Variants in MMP16 observed in about 807,000 individuals in gnomAD.
MMP16 encodes the protein matrix metallopeptidase 16.
Under a neutral mutation model 67.8 loss-of-function variants are expected in MMP16, and 12 were observed. The observed-to-expected ratio is 0.18, with a 90% CI of 0.11 to 0.29. The LOEUF (loss-of-function observed/expected upper bound fraction) is 0.29, where lower values mean the gene tolerates loss of function less well. MMP16 is among the 10% of genes least tolerant of loss of function. The pLI is 1.00. For missense variants in MMP16, 475 were observed against 765.7 expected (o/e 0.62, Z 4.48); for synonymous variants, 249 against 255.9 (o/e 0.97, Z 0.26).
chr8:88,046,575 G>T (rs1233574676), intron 9 of MMP16, 94 bp downstream of exon 9: 1 of 694,660 alleles, frequency 1.4e-6, no homozygotes, highest in Non-Finnish European at 2.4e-6. Context: ...CTCTAGTATA[G>T]CACTTTCCAA....
intron 6 of MMP16, among the ~76,000 whole-genome samples, chr8:88,091,783 C>T (rs577595072): frequency 1.3e-5 from 2 of 151,966 alleles, no homozygotes; most frequent in Non-Finnish European, 2.9e-5. Context: ...TGTGTAGCTA[C>T]TTAAATTTAA....
In MMP16 at chr8:88,036,786, A is replaced by G. The variant is rs1808059828; in HGVS notation, c.*4675T>C. On this transcript the variant is annotated 3_prime_UTR_variant, in exon 10 of 10. Coordinates refer to ENST00000286614, the MANE Select transcript of MMP16 (RefSeq NM_005941.5). ...TAGCATATTCTATTTGACATCTGTG[A>G]TACTTTGGAATATGCCCTTGAAAGC... The G allele has an allele frequency of 6.6e-6, 1 of 151,696 alleles. No individual in the cohort carries two copies. Among genetic ancestry groups the G allele is most frequent in the Non-Finnish European group, 1.5e-5 (1 of 67,768 alleles). 9.4% of individuals were successfully genotyped at this position (151,696 alleles called of 1,614,324 possible).
intron 1 of MMP16, among the ~76,000 whole-genome samples, chr8:88,239,203 G>A (rs1389776184): frequency 1.3e-5 from 2 of 149,420 alleles, no homozygotes; most frequent in East Asian, 2.0e-4. Context: ...GGTGAGGCAG[G>A]AGGATCGCTG....
At chr8:88,103,537 A>G (rs1686874692) in intron 6 of MMP16, among the ~76,000 whole-genome samples, 1 of 151,826 alleles carries the variant, frequency 6.6e-6, no homozygotes, top group South Asian at 2.1e-4. Context: ...TTTGCACAAT[A>G]CTAATAGTAG....
chr8:88,072,647 C>T (rs973269171), intron 7 of MMP16, among the ~76,000 whole-genome samples: 1 of 152,092 alleles, frequency 6.6e-6, no homozygotes, highest in African/African-American at 2.4e-5. Context: ...AAACACCATA[C>T]TGAGTCAAAT....
intron 1 of MMP16, among the ~76,000 whole-genome samples, chr8:88,209,541 T>C (rs1809481028): frequency 1.3e-5 from 2 of 152,124 alleles, no homozygotes; most frequent in African/African-American, 4.8e-5. Flanking sequence ...ATGCCAATTT[T>C]TGACTACATG....
chr8:88,094,477 C>T (rs1442065908), intron 6 of MMP16, among the ~76,000 whole-genome samples: 1 of 151,450 alleles, frequency 6.6e-6, no homozygotes, highest in African/African-American at 2.4e-5. Context: ...GTTTACTGAC[C>T]ATAATTATAA....
At chr8:88,150,810 A>T (rs1808392272) in intron 4 of MMP16, among the ~76,000 whole-genome samples, 1 of 151,158 alleles carries the variant, frequency 6.6e-6, no homozygotes, top group Admixed American at 6.6e-5. Flanking sequence ...TCAACTAACG[A>T]GCAAAATCAC....
At chr8:88,154,509 C>T (rs1336580162) in intron 4 of MMP16, among the ~76,000 whole-genome samples, 3 of 150,726 alleles carry the variant, frequency 2.0e-5, no homozygotes, top group African/African-American at 7.3e-5. Context: ...AAATGGGGCA[C>T]ATATACACCA....
Position 88,186,602 on chromosome 8 carries a change from C to CAAA in MMP16, c.282-7_282-5dup, listed in dbSNP as rs4043665. The CAAA allele has an allele frequency of 5.8e-4, 675 of 1,167,148 alleles. No individual in the cohort carries two copies. Among genetic ancestry groups the CAAA allele is most frequent in the Middle Eastern group, 4.1e-3 (12 of 2,914 alleles). 72.3% of individuals were successfully genotyped at this position (1,167,148 alleles called of 1,614,324 possible). ...GCATCGGGGCTTCTTCATCCAGCTGCAAAAAAAAAAAAAAAAAAAAAAAAG... is the reference window on the plus strand; with the variant it reads ...GCATCGGGGCTTCTTCATCCAGCTGCAAAAAAAAAAAAAAAAAAAAAAAAAAAG... On this transcript the variant is annotated splice_region_variant and splice_polypyrimidine_tract_variant and intron_variant, in intron 2 of 9. Coordinates refer to ENST00000286614, the MANE Select transcript of MMP16 (RefSeq NM_005941.5).
chr8:88,239,600 C>T (rs1198319547), intron 1 of MMP16, among the ~76,000 whole-genome samples: 1 of 151,648 alleles, frequency 6.6e-6, no homozygotes, highest in Non-Finnish European at 1.5e-5. Flanking sequence ...CTCATGGTTT[C>T]CACAGATGTA....
intron 4 of MMP16, among the ~76,000 whole-genome samples, chr8:88,129,987 A>G (rs1807999582): frequency 6.6e-6 from 1 of 151,724 alleles, no homozygotes; most frequent in Non-Finnish European, 1.5e-5. Flanking sequence ...TTTATTTTAA[A>G]TAAGATTTCC....
At chr8:88,325,181 T>C (rs2130236647) in intron 1 of MMP16, among the ~76,000 whole-genome samples, 1 of 152,328 alleles carries the variant, frequency 6.6e-6, no homozygotes, top group Admixed American at 6.5e-5. Flanking sequence ...GTCATTGGAA[T>C]CCAAAATTAA....
rs181237006 is a variant in MMP16, at chr8:88,178,221, C to T, written c.404+8255G>A. Among the ~76,000 whole-genome samples the T allele has an allele frequency of 2.1e-3, 319 of 152,208 alleles. 2 individuals are homozygous for T. The highest frequency in any genetic ancestry group is 7.2e-3 in the African/African-American group (299 of 41,552). On this transcript the variant is annotated intron_variant, in intron 3 of 9. Transcript: ENST00000286614. ...GAAAACAGAGGCTGAAGAGATAAAG[C>T]AAGCAACAGAACCAGACTCAGATAT... is the stretch of plus-strand genomic sequence containing the variant.
chr8:88,166,734 T>G (rs1808720563), intron 4 of MMP16, among the ~76,000 whole-genome samples: 1 of 137,390 alleles, frequency 7.3e-6, no homozygotes. Context: ...TATATATTCT[T>G]AATTTTAATT....
At chr8:88,112,632 A>G (rs1156910954) in intron 6 of MMP16, among the ~76,000 whole-genome samples, 1 of 134,848 alleles carries the variant, frequency 7.4e-6, no homozygotes, top group Non-Finnish European at 1.6e-5. Flanking sequence ...TATAAAGCTG[A>G]ATGGCTTAAA....
At chr8:88,109,219 A>G (rs1409777896) in intron 6 of MMP16, among the ~76,000 whole-genome samples, 2 of 151,334 alleles carry the variant, frequency 1.3e-5, no homozygotes, top group Non-Finnish European at 3.0e-5. Flanking sequence ...TAGTTATTAG[A>G]TAAGTTACAT....
chr8:88,138,850 T>C (rs933705222), intron 4 of MMP16, among the ~76,000 whole-genome samples: 2 of 152,082 alleles, frequency 1.3e-5, no homozygotes, highest in Admixed American at 1.3e-4. Context: ...ATGCATGTTA[T>C]TTTATCTGTC....
intron 1 of MMP16, among the ~76,000 whole-genome samples, chr8:88,288,018 C>T (rs2034037792): frequency 6.6e-6 from 1 of 152,194 alleles, no homozygotes; most frequent in Non-Finnish European, 1.5e-5. Context: ...AAACGTAACA[C>T]AAATGCATGC....
Sources: allele counts gnomAD v4.1 joint callset (sites outside exome capture counted in the v4.1 genomes callset), GRCh38; gene constraint gnomAD v4.1.1; transcripts MANE v1.5; gene names NCBI Gene and HGNC (gene_info 2026-07-23, HGNC 2026-07-21).